Variants in OSMR observed in about 807,000 individuals in gnomAD.
The protein encoded by OSMR is oncostatin-M-specific receptor subunit beta.
In OSMR, 81 loss-of-function variants were observed where a neutral mutation model predicts 99.9. The observed-to-expected ratio is 0.81, with a 90% CI of 0.68 to 0.97. The LOEUF is 0.97. Among genes scored for constraint, OSMR ranks in the 50% least tolerant of loss-of-function variants. The pLI is 0.00. For missense variants in OSMR, 1,099 were observed against 1,153.4 expected (o/e 0.95, Z 0.68); for synonymous variants, 406 against 410.4 (o/e 0.99, Z 0.13).
At chr5:38,914,637 G>A (rs1579778626) in intron 9 of OSMR, among the ~76,000 whole-genome samples, 1 of 152,164 alleles carries the variant, frequency 6.6e-6, no homozygotes, top group Admixed American at 6.5e-5. Context: ...AGAAAATATG[G>A]TACATATACA....
intron 9 of OSMR, among the ~76,000 whole-genome samples, chr5:38,905,510 G>T (rs1745171069): frequency 6.6e-6 from 1 of 151,844 alleles, no homozygotes. Context: ...AATCATAGGA[G>T]TCAACATTTA....
intron 7 of OSMR, among the ~76,000 whole-genome samples, chr5:38,898,734 A>T (rs1029209290): frequency 3.3e-5 from 5 of 151,754 alleles, no homozygotes; most frequent in Non-Finnish European, 7.4e-5. Flanking sequence ...TGGTGGTATG[A>T]TTTAATTTTC....
chr5:38,942,800 A>G, intron 1 of OSMR: 1 of 1,492,300 alleles, frequency 6.7e-7, no homozygotes, highest in Non-Finnish European at 9.3e-7. Context: ...TTATTCTTGG[A>G]AGATAAATTT....
chr5:38,927,743 C>T (rs1579809501), intron 15 of OSMR, among the ~76,000 whole-genome samples: 1 of 152,162 alleles, frequency 6.6e-6, no homozygotes, highest in Admixed American at 6.5e-5. Flanking sequence ...TTCAGATACA[C>T]GTGGCTGTAA....
At chr5:38,868,719 G>T (rs1430192993) in intron 1 of OSMR, among the ~76,000 whole-genome samples, 1 of 152,172 alleles carries the variant, frequency 6.6e-6, no homozygotes, top group Admixed American at 6.5e-5. Flanking sequence ...GACTAATATA[G>T]TAGGGTAGCC....
chr5:38,933,709 G>A lies in OSMR; in HGVS notation c.*265G>A, dbSNP rs1746890506. The A allele has an allele frequency of 2.0e-6, 1 of 509,398 alleles. No individual in the cohort carries two copies. Among genetic ancestry groups the A allele is most frequent in the Non-Finnish European group, 3.6e-6 (1 of 280,804 alleles). 31.6% of individuals were successfully genotyped at this position (509,398 alleles called of 1,614,324 possible). ...TGTTCCAGGCTCACCTTTAGAACAG[G>A]AGACTTGAGCTTGACCTAAGGATAT... On this transcript the variant is annotated 3_prime_UTR_variant, in exon 18 of 18. Transcript: ENST00000274276.
chr5:38,935,770 A>ATCTT (rs780727443), downstream of OSMR: 4 of 152,184 alleles, frequency 2.6e-5, no homozygotes, highest in African/African-American at 4.8e-5. Context: ...CTTAATCAGA[A>ATCTT]TCTTTGGGGC....
At chr5:38,882,708 T>G (rs547583295) in intron 4 of OSMR, among the ~76,000 whole-genome samples, 1 of 152,306 alleles carries the variant, frequency 6.6e-6, no homozygotes, top group African/African-American at 2.4e-5. Context: ...AATGAGATTA[T>G]TTGCGCACGT....
At chr5:38,895,182 A>G (rs1038934501) in intron 7 of OSMR, among the ~76,000 whole-genome samples, 2 of 152,102 alleles carry the variant, frequency 1.3e-5, no homozygotes, top group East Asian at 1.9e-4. Context: ...TATCACACCT[A>G]GAGAAACTAG....
intron 16 of OSMR, among the ~76,000 whole-genome samples, chr5:38,932,180 A>C (rs575857103): frequency 1.3e-5 from 2 of 152,302 alleles, no homozygotes; most frequent in East Asian, 3.9e-4. Flanking sequence ...TAGACCACAA[A>C]ATTTTTTCAA....
intron 1 of OSMR, among the ~76,000 whole-genome samples, chr5:38,853,321 A>G (rs1049207050): frequency 4.6e-5 from 7 of 152,224 alleles, no homozygotes; most frequent in African/African-American, 1.7e-4. Context: ...GTAGGTTCTC[A>G]TAAGCCCATT....
At chr5:38,923,004 G>A in intron 12 of OSMR, 146 bp from the exon 13 acceptor site, 1 of 822,488 alleles carries the variant, frequency 1.2e-6, no homozygotes, top group Non-Finnish European at 1.9e-6. Context: ...TCCAACTCCT[G>A]GCCTCAAGTG....
At chr5:38,943,158 G>T (rs7732218) in intron 1 of OSMR, 153,605 of 382,950 alleles carry the variant, frequency 0.4, 29,867 homozygotes, top group Admixed American at 0.46. Context: ...CTGAGTTTGG[G>T]TTTTTTTTTA....
chr5:38,924,607 TTTTAA>T lies in OSMR; in HGVS notation c.2044+16_2044+20del. 1 of 1,568,478 alleles carries T rather than the reference TTTTAA, an allele frequency of 6.4e-7. No individual in the cohort carries two copies. The highest frequency in any genetic ancestry group is 8.8e-7 in the Non-Finnish European group (1 of 1,138,452). On this transcript the variant is annotated intron_variant, in intron 14 of 17. Transcript: ENST00000274276. Reference sequence around the variant, plus strand: ...GGCAGTTCTTTCAGGTGACATCTATTTTTAATTTGTTTATTTATTCTTTCAAGATC... The same window carrying T: ...GGCAGTTCTTTCAGGTGACATCTATTTTTGTTTATTTATTCTTTCAAGATC...
chr5:38,848,507 TCTCA>T (rs1293524032), intron 1 of OSMR, among the ~76,000 whole-genome samples: 2 of 152,168 alleles, frequency 1.3e-5, no homozygotes, highest in Non-Finnish European at 2.9e-5. Flanking sequence ...AACAACTCAT[TCTCA>T]CTCAATATAG....
intron 1 of OSMR, among the ~76,000 whole-genome samples, chr5:38,866,722 AG>A (rs888469970): frequency 7.2e-6 from 1 of 138,622 alleles, no homozygotes; most frequent in Admixed American, 7.6e-5. Context: ...GATGAGAGGG[AG>A]GGGGCGGGGA....
At chr5:38,891,296 G>A (rs1234648697) in intron 7 of OSMR, among the ~76,000 whole-genome samples, 1 of 152,214 alleles carries the variant, frequency 6.6e-6, no homozygotes, top group Non-Finnish European at 1.5e-5. Context: ...GAGGCAAGGT[G>A]CTCCCAGGAA....
In OSMR at chr5:38,881,480, A is replaced by G. The variant is rs535796772; in HGVS notation, c.247-113A>G. The G allele has an allele frequency of 1.6e-5, 25 of 1,597,482 alleles. No homozygotes were observed. The East Asian group carries it at 2.9e-4, about 19-fold the overall frequency. On this transcript the variant is annotated intron_variant, in intron 3 of 17. Coordinates refer to ENST00000274276, the MANE Select transcript of OSMR (RefSeq NM_003999.3). ...TAGCAGAAGTGGAATTCACTGGCAC[A>G]TATCGTGGACCTGCAATGGGGTCTT...
intron 7 of OSMR, among the ~76,000 whole-genome samples, chr5:38,901,253 G>A (rs357267): frequency 0.012 from 1,832 of 152,276 alleles, 47 homozygotes; most frequent in African/African-American, 0.042. Context: ...AGTAAACCAC[G>A]CCAGACCATT....
Sources: allele counts gnomAD v4.1 joint callset (sites outside exome capture counted in the v4.1 genomes callset), GRCh38; gene constraint gnomAD v4.1.1; transcripts MANE v1.5; gene names NCBI Gene and HGNC (gene_info 2026-07-23, HGNC 2026-07-21).